Variants in RNLS observed in about 807,000 individuals in gnomAD.
RNLS encodes renalase.
RNLS carries 39 observed loss-of-function variants against 39.8 expected under a neutral mutation model. The ratio of observed to expected loss-of-function variants is 0.98; its 90% CI spans 0.76 to 1.28. The LOEUF (loss-of-function observed/expected upper bound fraction) is 1.28, where lower values mean the gene tolerates loss of function less well. RNLS is among the 50% of genes most tolerant of loss of function. RNLS has a pLI of 0.00. For missense variants in RNLS, 410 were observed against 413.3 expected (o/e 0.99, Z 0.07); for synonymous variants, 147 against 150.7 (o/e 0.98, Z 0.18).
the RNLS span, among the ~76,000 whole-genome samples, chr10:88,174,985 G>A: frequency 8.5e-5 from 13 of 152,078 alleles, no homozygotes; most frequent in Non-Finnish European, 1.0e-4. Flanking sequence ...GTTCAATTTT[G>A]TTAGCTTATA....
chr10:88,531,455 A>G (rs1368421874), intron 4 of RNLS, among the ~76,000 whole-genome samples: 1 of 152,130 alleles, frequency 6.6e-6, no homozygotes, highest in Non-Finnish European at 1.5e-5. Context: ...GATTCCACTT[A>G]GTCTAGATAA....
chr10:88,545,373 G>A (rs1349274208), intron 4 of RNLS: 1 of 443,956 alleles, frequency 2.3e-6, no homozygotes, highest in African/African-American at 2.0e-5. Context: ...AAGAAAAAGA[G>A]GTTTAATGGA....
intron 4 of RNLS, among the ~76,000 whole-genome samples, chr10:88,464,015 C>A (rs1242582348): frequency 6.6e-6 from 1 of 151,994 alleles, no homozygotes; most frequent in Non-Finnish European, 1.5e-5. Context: ...AAAAGAGTGC[C>A]AAGCTAGATG....
chr10:88,421,853 TTCTTTA>T (rs1279227381), intron 4 of RNLS, among the ~76,000 whole-genome samples: 13 of 152,154 alleles, frequency 8.5e-5, no homozygotes, highest in Non-Finnish European at 1.8e-4. Flanking sequence ...ACCTAGAACA[TTCTTTA>T]TCTTTGACTC....
At chr10:88,391,340 A>G (rs1852186229) in intron 4 of RNLS, among the ~76,000 whole-genome samples, 1 of 152,116 alleles carries the variant, frequency 6.6e-6, no homozygotes, top group Non-Finnish European at 1.5e-5. Context: ...CCGGTGGATC[A>G]CAAGGTCAAG....
intron 4 of RNLS, among the ~76,000 whole-genome samples, chr10:88,437,628 T>C (rs1841484482): frequency 6.6e-6 from 1 of 152,162 alleles, no homozygotes; most frequent in African/African-American, 2.4e-5. Flanking sequence ...ATTCCATTCA[T>C]TAACCCTATG....
chr10:88,559,578 C>A (rs1426375702), intron 4 of RNLS, among the ~76,000 whole-genome samples: 1 of 152,166 alleles, frequency 6.6e-6, no homozygotes, highest in African/African-American at 2.4e-5. Flanking sequence ...CTATTTCAAA[C>A]TTTATGATAA....
intron 6 of RNLS, 88 bp downstream of exon 6, chr10:88,314,378 A>G (rs1164597834): frequency 7.5e-7 from 1 of 1,324,672 alleles, no homozygotes; most frequent in Non-Finnish European, 1.1e-6. Flanking sequence ...TTATTTCACT[A>G]GAGAGTGCAA....
intron 4 of RNLS, among the ~76,000 whole-genome samples, chr10:88,375,873 T>C (rs1315769367): frequency 6.6e-6 from 1 of 152,040 alleles, no homozygotes; most frequent in African/African-American, 2.4e-5. Flanking sequence ...GATCAGATGA[T>C]TATATAGCAT....
At chr10:88,198,587 G>A in the RNLS span, among the ~76,000 whole-genome samples, 2 of 152,130 alleles carry the variant, frequency 1.3e-5, no homozygotes, top group Non-Finnish European at 2.9e-5. Flanking sequence ...GGAGGTGATT[G>A]GATCATGGTG....
the RNLS span, among the ~76,000 whole-genome samples, chr10:88,184,115 C>G: frequency 1.3e-5 from 2 of 152,118 alleles, no homozygotes; most frequent in Admixed American, 6.6e-5. Context: ...AATTCTCTAT[C>G]TGGATTCAAT....
At chr10:88,409,414 C>G (rs1853516343) in intron 4 of RNLS, among the ~76,000 whole-genome samples, 1 of 152,048 alleles carries the variant, frequency 6.6e-6, no homozygotes, top group Admixed American at 6.6e-5. Context: ...TCTGCAAGAG[C>G]TATCACATAT....
chr10:88,418,515 AGT>A (rs1854179613), intron 4 of RNLS, among the ~76,000 whole-genome samples: 1 of 152,230 alleles, frequency 6.6e-6, no homozygotes, highest in South Asian at 2.1e-4. Context: ...TGAAAATAGC[AGT>A]GTTTCCTCAA....
chr10:88,495,791 G>A (rs571040293), intron 4 of RNLS, among the ~76,000 whole-genome samples: 21 of 152,270 alleles, frequency 1.4e-4, no homozygotes, highest in African/African-American at 7.2e-5. Flanking sequence ...CAAGGAATCC[G>A]TGGTTAAAGG....
At chr10:88,185,039 C>G in the RNLS span, among the ~76,000 whole-genome samples, 1 of 152,128 alleles carries the variant, frequency 6.6e-6, no homozygotes, top group African/African-American at 2.4e-5. Context: ...GTTGCCCTGC[C>G]TTTCCTAAAG....
chr10:88,368,008 CTT>C (rs1850258169), intron 4 of RNLS, among the ~76,000 whole-genome samples: 1 of 151,758 alleles, frequency 6.6e-6, no homozygotes, highest in South Asian at 2.1e-4. Flanking sequence ...TATAGCCTAA[CTT>C]ATTTTTTTCA....
chr10:88,399,295 A>G (rs577874757), intron 4 of RNLS, among the ~76,000 whole-genome samples: 1 of 152,182 alleles, frequency 6.6e-6, no homozygotes, highest in Admixed American at 6.6e-5. Flanking sequence ...GACAACTAAA[A>G]AGAAATGTTC....
intron 5 of RNLS, among the ~76,000 whole-genome samples, chr10:88,334,184 C>T (rs1434945286): frequency 6.6e-6 from 1 of 152,046 alleles, no homozygotes; most frequent in African/African-American, 2.4e-5. Flanking sequence ...AATCACAATC[C>T]CCCCAATAGT....
intron 4 of RNLS, among the ~76,000 whole-genome samples, chr10:88,438,666 T>C (rs1056756620): frequency 6.6e-6 from 1 of 152,176 alleles, no homozygotes; most frequent in Non-Finnish European, 1.5e-5. Flanking sequence ...GGTGAATGTT[T>C]CACCCCTTGC....
Sources: allele counts gnomAD v4.1 joint callset (sites outside exome capture counted in the v4.1 genomes callset), GRCh38; gene constraint gnomAD v4.1.1; transcripts MANE v1.5; gene names NCBI Gene and HGNC (gene_info 2026-07-23, HGNC 2026-07-21).